The following TBC1D12 variants were observed in gnomAD, a reference collection of about 807,000 sequenced individuals.
TBC1D12 encodes the protein TBC1 domain family member 12, also known as TBC1 domain family, member 12.
Under a neutral mutation model 86.7 loss-of-function variants are expected in TBC1D12, and 56 were observed. That is an observed-to-expected ratio of 0.65 (90% confidence interval 0.52 to 0.81). The LOEUF is 0.81. TBC1D12 is among the 30% of genes least tolerant of loss of function. The pLI, the probability that TBC1D12 is intolerant of heterozygous loss-of-function variation, is 0.00. For synonymous variants in TBC1D12, 421 were observed against 411.7 expected (o/e 1.02, Z -0.27); for missense variants, 1,023 against 1,038.8 (o/e 0.98, Z 0.21).
intron 1 of TBC1D12, among the ~76,000 whole-genome samples, chr10:94,406,505 A>T (rs545483991): frequency 6.6e-6 from 1 of 152,350 alleles, no homozygotes; most frequent in African/African-American, 2.4e-5. Flanking sequence ...TGTGACATTC[A>T]TCTCTGAATC....
intron 11 of TBC1D12, among the ~76,000 whole-genome samples, chr10:94,530,332 G>A (rs1055242794): frequency 6.6e-6 from 1 of 152,092 alleles, no homozygotes; most frequent in African/African-American, 2.4e-5. Context: ...TGATTCTATT[G>A]GAAGGTATAC....
intron 1 of TBC1D12, among the ~76,000 whole-genome samples, chr10:94,403,988 G>A (rs1158132292): frequency 6.6e-6 from 1 of 151,970 alleles, no homozygotes; most frequent in African/African-American, 2.4e-5. Flanking sequence ...TAGGTTGTTG[G>A]GGGGGTGGTG....
At chr10:94,456,519 A>G (rs554004555) in intron 2 of TBC1D12, among the ~76,000 whole-genome samples, 1 of 152,316 alleles carries the variant, frequency 6.6e-6, no homozygotes, top group South Asian at 2.1e-4. Context: ...AATTTAATTG[A>G]GATCTGAGAG....
Position 94,402,628 on chromosome 10 carries a change from G to A in TBC1D12, c.15G>A (p.Glu5=). 1.9e-6 allele frequency: 3 copies of A among 1,611,886 alleles called. No homozygotes were observed. Among genetic ancestry groups the A allele is most frequent in the Non-Finnish European group, 2.5e-6 (3 of 1,179,658 alleles). The change falls in exon 1 of 13, where the codon GAG becomes GAA. Residue 5 remains glutamate, a synonymous_variant. Coordinates refer to ENST00000225235, the MANE Select transcript of TBC1D12 (RefSeq NM_015188.2). MVGP[E]DAGACSGRNP... is the part of the protein sequence containing the mutation. Reference sequence around the variant, plus strand: ...CCCACCCCCAGATGGTGGGTCCGGAGGATGCCGGAGCCTGCTCGGGAAGAA... The same window carrying A: ...CCCACCCCCAGATGGTGGGTCCGGAAGATGCCGGAGCCTGCTCGGGAAGAA...
At position 94,527,082 on chromosome 10, in the gene TBC1D12, T is replaced by TTGTGTGTGTG. The variant is rs60647037; in HGVS notation, c.2001-4105_2001-4096dup. Reference sequence around the variant, plus strand: ...TTTGCCCATTTTTTAGCTGGATTGATTGTGTGTGTGTGTGTGTGTGTGTGA... The same window carrying TTGTGTGTGTG: ...TTTGCCCATTTTTTAGCTGGATTGATTGTGTGTGTGTGTGTGTGTGTGTGTGTGTGTGTGA... On this transcript the variant is annotated intron_variant, in intron 11 of 12. Transcript: ENST00000225235. Among the ~76,000 whole-genome samples, 537 of 148,340 alleles carry TTGTGTGTGTG rather than the reference T, an allele frequency of 3.6e-3. 3 individuals are homozygous for TTGTGTGTGTG. The highest frequency in any genetic ancestry group is 7.5e-3 in the South Asian group (35 of 4,684).
At chr10:94,436,153 T>C (rs2055292735) in intron 1 of TBC1D12, among the ~76,000 whole-genome samples, 1 of 152,078 alleles carries the variant, frequency 6.6e-6, no homozygotes, top group African/African-American at 2.4e-5. Context: ...CCTTTTTTTT[T>C]TTTGAGATGG....
intron 2 of TBC1D12, among the ~76,000 whole-genome samples, chr10:94,473,206 A>G (rs895853678): frequency 9.2e-5 from 14 of 151,774 alleles, no homozygotes; most frequent in Non-Finnish European, 1.9e-4. Flanking sequence ...TACAAAAAAA[A>G]AAAAATAGCC....
At position 94,503,279 on chromosome 10, in the gene TBC1D12, C is replaced by T. The variant is rs577814325; in HGVS notation, c.1519+2952C>T. Reference sequence around the variant, plus strand: ...AACATCCAAGTACTGTTTTTCATCCCTCAAAAGAGATTAAAATGAATGAGA... The same window carrying T: ...AACATCCAAGTACTGTTTTTCATCCTTCAAAAGAGATTAAAATGAATGAGA... On this transcript the variant is annotated intron_variant, in intron 6 of 12. Transcript: ENST00000225235. Among the ~76,000 whole-genome samples, 5 of 152,202 alleles carry T rather than the reference C, an allele frequency of 3.3e-5. No homozygotes were observed. In the South Asian group the frequency reaches 8.3e-4, roughly 25 times the overall value.
chr10:94,476,660 A>T (rs185262460), intron 3 of TBC1D12, among the ~76,000 whole-genome samples: 5 of 152,292 alleles, frequency 3.3e-5, no homozygotes, highest in Admixed American at 2.0e-4. Context: ...TCCGAAATGG[A>T]TTATGCTTTT....
At chr10:94,529,258 T>C (rs1002727485) in intron 11 of TBC1D12, among the ~76,000 whole-genome samples, 2 of 152,300 alleles carry the variant, frequency 1.3e-5, no homozygotes, top group African/African-American at 2.4e-5. Context: ...TCCTCCCACA[T>C]TGGCCTCCCA....
intron 9 of TBC1D12, among the ~76,000 whole-genome samples, chr10:94,519,054 G>A (rs566954342): frequency 6.6e-6 from 1 of 152,284 alleles, no homozygotes; most frequent in South Asian, 2.1e-4. Context: ...CAGCCTGGAC[G>A]ATAAGAGCTA....
At position 94,403,070 on chromosome 10, in the gene TBC1D12, C is replaced by T. The variant is rs536521261; in HGVS notation, c.457C>T (p.Arg153Cys). The stretch of plus-strand genomic sequence containing the variant: ...GGACTGTCGCGATCTGGAAGAGGCT[C>T]GCGGGCTGGCGCGCGCCGGCGGCCG... Reference protein sequence around the residue: ...GRDCRDLEEARGLARAGGRES... With the variant: ...GRDCRDLEEACGLARAGGRES... Residue 153 changes from arginine (R) to cysteine (C), a missense_variant, in exon 1 of 13, where the codon CGC becomes TGC. Transcript: ENST00000225235. 9.5e-5 allele frequency: 139 copies of T among 1,468,514 alleles called. 1 individual carries two copies. In the South Asian group the frequency reaches 1.4e-3, roughly 15 times the overall value. The allele number at this position is 1,468,514 out of a possible 1,614,324, so 91.0% of individuals were successfully genotyped here. A position where few individuals can be genotyped will look rare whatever the true frequency, so the allele number is the denominator to read the frequency against.
intron 1 of TBC1D12, among the ~76,000 whole-genome samples, chr10:94,436,144 CTT>C (rs202015240): frequency 3.5e-5 from 5 of 144,094 alleles, no homozygotes; most frequent in African/African-American, 7.6e-5. Flanking sequence ...TCCTTTATTC[CTT>C]TTTTTTTTTT....
At chr10:94,420,079 A>G (rs1169665957) in intron 1 of TBC1D12, among the ~76,000 whole-genome samples, 1 of 152,196 alleles carries the variant, frequency 6.6e-6, no homozygotes, top group Non-Finnish European at 1.5e-5. Context: ...CCTAATCCCC[A>G]GTAATGATAT....
chr10:94,533,066 C>G lies in TBC1D12; in HGVS notation c.2298C>G (p.Asp766Glu). ...ASVMKDIKEG[D>E]KNSSPALKS ...TAATGAAGGATATTAAAGAAGGAGA[C>G]AAGAACAGTAGTCCTGCTTTGAAAA... Residue 766 changes from aspartate (D) to glutamate (E), a missense_variant, in exon 13 of 13, where the codon GAC (aspartate) becomes GAG (glutamate). Asp to Glu is a conservative substitution (Grantham distance 45, BLOSUM62 2). Around this residue, in one of 2 missense-constraint regions of TBC1D12, gnomAD observed 395 missense variants for 507.7 expected, o/e 0.78. Transcript: ENST00000225235. 6.3e-7 allele frequency: 1 copy of G among 1,595,042 alleles called. No individual in the cohort carries two copies.
At chr10:94,406,003 G>C (rs2054849593) in intron 1 of TBC1D12, among the ~76,000 whole-genome samples, 2 of 152,116 alleles carry the variant, frequency 1.3e-5, no homozygotes, top group South Asian at 4.2e-4. Flanking sequence ...TAGAGACCAG[G>C]TTTCACCATG....
intron 1 of TBC1D12, among the ~76,000 whole-genome samples, chr10:94,415,357 T>C (rs1317951903): frequency 6.6e-6 from 1 of 152,200 alleles, no homozygotes; most frequent in African/African-American, 2.4e-5. Flanking sequence ...TTATAGAGAT[T>C]GGTAATCCTT....
chr10:94,533,133 T>G lies in TBC1D12; in HGVS notation c.*37T>G. On this transcript the variant is annotated 3_prime_UTR_variant, in exon 13 of 13. Coordinates refer to ENST00000225235, the MANE Select transcript of TBC1D12 (RefSeq NM_015188.2). Reference sequence around the variant, plus strand: ...GACAGACTAACTGACATAGAAAAAGTGGTTTTTGGATAAAGGTTTTTTGTT... The same window carrying G: ...GACAGACTAACTGACATAGAAAAAGGGGTTTTTGGATAAAGGTTTTTTGTT... The G allele has an allele frequency of 1.4e-6, 2 of 1,418,320 alleles. No homozygotes were observed. The highest frequency in any genetic ancestry group is 1.9e-6 in the Non-Finnish European group (2 of 1,041,068). The allele number at this position is 1,418,320 out of a possible 1,614,324, so 87.9% of individuals were successfully genotyped here. A position where few individuals can be genotyped will look rare whatever the true frequency, so the allele number is the denominator to read the frequency against.
chr10:94,459,098 AGCTG>A (rs2055679868), intron 2 of TBC1D12, among the ~76,000 whole-genome samples: 1 of 150,788 alleles, frequency 6.6e-6, no homozygotes, highest in Non-Finnish European at 1.5e-5. Flanking sequence ...TTTTACAGAG[AGCTG>A]ATTGGTCCAT....
Sources: allele counts gnomAD v4.1 joint callset (sites outside exome capture counted in the v4.1 genomes callset), GRCh38; gene constraint gnomAD v4.1.1; regional missense constraint gnomAD v4.1.1; transcripts MANE v1.5; gene names NCBI Gene and HGNC (gene_info 2026-07-23, HGNC 2026-07-21).